The following LINGO2 variants were observed in gnomAD, a reference collection of about 807,000 sequenced individuals.
The protein encoded by LINGO2 is leucine rich repeat and Ig domain containing 2.
A neutral mutation model predicts 30.6 loss-of-function variants in LINGO2; 14 were observed. The ratio of observed to expected loss-of-function variants is 0.46; its 90% CI spans 0.30 to 0.72. The LOEUF (loss-of-function observed/expected upper bound fraction) is 0.72, where lower values mean the gene tolerates loss of function less well. LINGO2 is among the 30% of genes least tolerant of loss of function. The probability of loss-of-function intolerance (pLI) is 0.07; values close to 1 mark genes in which losing one functional copy is unlikely to be tolerated. For missense variants in LINGO2, 729 were observed against 751.7 expected, an observed-to-expected ratio of 0.97 and a Z score of 0.35; for synonymous variants, 317 against 288.5, an observed-to-expected ratio of 1.10 and a Z score of -1.00.
chr9:28,450,728 T>C (rs1483056396), intron 2 of LINGO2, among the ~76,000 whole-genome samples: 1 of 152,042 alleles, frequency 6.6e-6, no homozygotes, highest in Non-Finnish European at 1.5e-5. Context: ...TTCCTGACTA[T>C]GGGTTGAAGT....
intron 3 of LINGO2, among the ~76,000 whole-genome samples, chr9:28,313,144 A>G (rs1824698244): frequency 6.6e-6 from 1 of 152,340 alleles, no homozygotes; most frequent in East Asian, 1.9e-4. Flanking sequence ...CAGTTTTGTA[A>G]CGAGACTACA....
At chr9:28,063,095 C>T (rs1032950803) in intron 4 of LINGO2, among the ~76,000 whole-genome samples, 1 of 152,108 alleles carries the variant, frequency 6.6e-6, no homozygotes, top group African/African-American at 2.4e-5. Flanking sequence ...AACCATAGAA[C>T]CAAAGCAAAA....
At chr9:27,995,570 GT>G (rs1382726742) in intron 5 of LINGO2, among the ~76,000 whole-genome samples, 1 of 152,098 alleles carries the variant, frequency 6.6e-6, no homozygotes, top group Non-Finnish European at 1.5e-5. Flanking sequence ...TGTAAAGATG[GT>G]TAATCACATT....
At chr9:28,526,518 C>G (rs1821045998) in intron 1 of LINGO2, among the ~76,000 whole-genome samples, 1 of 152,164 alleles carries the variant, frequency 6.6e-6, no homozygotes, top group Non-Finnish European at 1.5e-5. Context: ...CCTATGATAG[C>G]AAGATAAGTG....
At chr9:28,247,030 G>A (rs967739060) in intron 4 of LINGO2, among the ~76,000 whole-genome samples, 1 of 152,130 alleles carries the variant, frequency 6.6e-6, no homozygotes, top group Non-Finnish European at 1.5e-5. Flanking sequence ...TTAGAGAAAT[G>A]CAAATCAAAA....
At chr9:28,782,707 C>T in the LINGO2 span, among the ~76,000 whole-genome samples, 1 of 152,082 alleles carries the variant, frequency 6.6e-6, no homozygotes, top group Non-Finnish European at 1.5e-5. Flanking sequence ...GAAAGTCATC[C>T]TAGCATCATG....
the LINGO2 span, chr9:27,942,569 T>G: frequency 6.6e-6 from 1 of 152,206 alleles, no homozygotes; most frequent in Non-Finnish European, 1.5e-5. Flanking sequence ...GATACTTTTG[T>G]CATTAGCATT....
intron 5 of LINGO2, among the ~76,000 whole-genome samples, chr9:28,003,586 T>C (rs1042742827): frequency 2.0e-5 from 3 of 152,102 alleles, no homozygotes; most frequent in African/African-American, 4.8e-5. Flanking sequence ...CTCAGCCTCC[T>C]GAGTAGCTGG....
intron 4 of LINGO2, among the ~76,000 whole-genome samples, chr9:28,241,785 T>C (rs187286676): frequency 1.2e-3 from 180 of 152,292 alleles, no homozygotes; most frequent in Admixed American, 4.6e-3. Context: ...CACCCATCTT[T>C]GCTCTTCTCC....
the LINGO2 span, among the ~76,000 whole-genome samples, chr9:29,178,039 T>A: frequency 6.6e-6 from 1 of 151,828 alleles, no homozygotes; most frequent in East Asian, 1.9e-4. Context: ...TTTTTCCTAA[T>A]ACTTTTATTT....
chr9:28,873,992 A>G, the LINGO2 span, among the ~76,000 whole-genome samples: 2 of 152,206 alleles, frequency 1.3e-5, no homozygotes, highest in East Asian at 3.9e-4. Context: ...TAACCAATTA[A>G]GTAAATCTAA....
intron 5 of LINGO2, among the ~76,000 whole-genome samples, chr9:27,987,053 A>T (rs201787323): frequency 6.6e-6 from 1 of 150,990 alleles, no homozygotes; most frequent in Non-Finnish European, 1.5e-5. Context: ...TGTGTGTGTG[A>T]GTTTCAGCAA....
intron 1 of LINGO2, among the ~76,000 whole-genome samples, chr9:28,522,500 A>G (rs1820863362): frequency 6.6e-6 from 1 of 152,222 alleles, no homozygotes; most frequent in South Asian, 2.1e-4. Flanking sequence ...GAAACACTCC[A>G]TCAGAGTAGC....
intron 4 of LINGO2, among the ~76,000 whole-genome samples, chr9:28,238,145 G>T (rs1821646795): frequency 7.0e-6 from 1 of 142,378 alleles, no homozygotes; most frequent in African/African-American, 2.5e-5. Context: ...AATATTATTA[G>T]AACTAAAGAG....
chr9:28,169,524 A>G, intron 4 of LINGO2, among the ~76,000 whole-genome samples: 1 of 152,324 alleles, frequency 6.6e-6, no homozygotes, highest in South Asian at 2.1e-4. Context: ...AATATTCACT[A>G]ACGTATCCAT....
intron 5 of LINGO2, among the ~76,000 whole-genome samples, chr9:27,989,511 T>C (rs1821290096): frequency 6.6e-6 from 1 of 151,584 alleles, no homozygotes; most frequent in South Asian, 2.1e-4. Flanking sequence ...TATCGAACTA[T>C]AGAAAGAACT....
the LINGO2 span, among the ~76,000 whole-genome samples, chr9:28,913,331 A>G: frequency 6.6e-6 from 1 of 152,100 alleles, no homozygotes; most frequent in Non-Finnish European, 1.5e-5. Context: ...CTAGCAAATC[A>G]TGGTTTAGCT....
At chr9:28,338,710 C>T (rs1338443009) in intron 3 of LINGO2, among the ~76,000 whole-genome samples, 1 of 152,104 alleles carries the variant, frequency 6.6e-6, no homozygotes, top group African/African-American at 2.4e-5. Flanking sequence ...AGGCTTTTCC[C>T]TTTTTGCTCA....
chr9:28,860,577 AAGAT>A, the LINGO2 span, among the ~76,000 whole-genome samples: 3 of 151,374 alleles, frequency 2.0e-5, no homozygotes, highest in East Asian at 3.9e-4. Flanking sequence ...AGATAGAAGA[AAGAT>A]AGATAGATGG....
Sources: allele counts gnomAD v4.1 joint callset (sites outside exome capture counted in the v4.1 genomes callset), GRCh38; gene constraint gnomAD v4.1.1; transcripts MANE v1.5; gene names NCBI Gene and HGNC (gene_info 2026-07-23, HGNC 2026-07-21).